The following SHANK2 variants were observed in gnomAD, a reference collection of about 807,000 sequenced individuals.
SHANK2 encodes the protein SH3 and multiple ankyrin repeat domains 2, also known as SH3 and multiple ankyrin repeat domains protein 2.
A neutral mutation model predicts 133.7 loss-of-function variants in SHANK2; 43 were observed. The observed-to-expected ratio is 0.32, with a 90% CI of 0.25 to 0.41. SHANK2 has a LOEUF of 0.41. Ranked by LOEUF, SHANK2 falls within the 10% of genes least tolerant of loss-of-function variation. The pLI is 1.00. For missense variants in SHANK2, 1,994 were observed against 2,235.8 expected, an observed-to-expected ratio of 0.89 and a Z score of 2.18; for synonymous variants, 1,017 against 952.8, an observed-to-expected ratio of 1.07 and a Z score of -1.24.
chr11:70,631,616 G>T (rs531697778), intron 17 of SHANK2, among the ~76,000 whole-genome samples: 26 of 152,248 alleles, frequency 1.7e-4, no homozygotes, highest in Non-Finnish European at 3.1e-4. Context: ...AGGGCGCTGG[G>T]AATAGGACAG....
chr11:70,730,103 G>C (rs1219857089), intron 14 of SHANK2, among the ~76,000 whole-genome samples: 3 of 152,196 alleles, frequency 2.0e-5, no homozygotes, highest in Admixed American at 6.5e-5. Context: ...AAGGGCCTTG[G>C]AGAGGAGGAA....
chr11:71,161,688 C>A (rs1359030096), intron 2 of SHANK2, among the ~76,000 whole-genome samples: 1 of 152,192 alleles, frequency 6.6e-6, no homozygotes, highest in Non-Finnish European at 1.5e-5. Flanking sequence ...TGTTGTCCCA[C>A]CTTTTTGGAC....
intron 13 of SHANK2, among the ~76,000 whole-genome samples, chr11:70,800,042 G>GT (rs1423651395): frequency 4.6e-5 from 7 of 150,658 alleles, no homozygotes; most frequent in African/African-American, 1.5e-4. Flanking sequence ...TTTGTTTTTT[G>GT]TTTTTTTTAG....
intron 14 of SHANK2, among the ~76,000 whole-genome samples, chr11:70,716,905 C>T (rs1447055812): frequency 5.4e-5 from 8 of 149,132 alleles, no homozygotes; most frequent in African/African-American, 1.5e-4. Flanking sequence ...GCCCCCCCCC[C>T]GCCCAACTGG....
intron 3 of SHANK2, among the ~76,000 whole-genome samples, chr11:71,143,940 T>C (rs1555106246): frequency 6.6e-6 from 1 of 151,196 alleles, no homozygotes; most frequent in African/African-American, 2.4e-5. Context: ...CGACCATCCA[T>C]TCACCGAGAA....
chr11:70,556,070 T>G (rs2059825031), intron 17 of SHANK2, among the ~76,000 whole-genome samples: 1 of 152,260 alleles, frequency 6.6e-6, no homozygotes, highest in Non-Finnish European at 1.5e-5. Flanking sequence ...AAGATCTAGC[T>G]GAGATCACTG....
chr11:71,207,178 CTTT>C (rs56946028), intron 2 of SHANK2, among the ~76,000 whole-genome samples: 4 of 115,860 alleles, frequency 3.5e-5, no homozygotes, highest in Non-Finnish European at 3.4e-5. Context: ...TTTAAAATTC[CTTT>C]TTTTTTTTTT....
chr11:70,912,951 G>T (rs1046941811), intron 10 of SHANK2, among the ~76,000 whole-genome samples: 1 of 151,898 alleles, frequency 6.6e-6, no homozygotes, highest in African/African-American at 2.4e-5. Context: ...AAGATCTCCC[G>T]GGAAAACTGT....
intron 15 of SHANK2, among the ~76,000 whole-genome samples, chr11:70,662,468 C>A (rs1944581991): frequency 6.6e-6 from 1 of 152,094 alleles, no homozygotes; most frequent in Non-Finnish European, 1.5e-5. Flanking sequence ...CCTCCAGCGT[C>A]CCCCCGGTCC....
chr11:71,210,214 A>ATATATGTG (rs1954229537), intron 2 of SHANK2, among the ~76,000 whole-genome samples: 1 of 29,868 alleles, frequency 3.3e-5, no homozygotes, highest in South Asian at 1.4e-3. Context: ...CCACAGGTAT[A>ATATATGTG]TATATATATA....
chr11:70,884,262 C>G (rs554368527), intron 11 of SHANK2, among the ~76,000 whole-genome samples: 9 of 152,206 alleles, frequency 5.9e-5, no homozygotes, highest in African/African-American at 2.2e-4. Context: ...AGGGGCCAGA[C>G]AGGCTAAAGT....
rs528106159 is a variant in SHANK2 at position 70,553,753 on chromosome 11, G to C, written c.2062-50822C>G. On this transcript the variant is annotated intron_variant, in intron 17 of 25. Coordinates refer to ENST00000601538, the MANE Select transcript of SHANK2 (RefSeq NM_012309.5). Reference sequence around the variant, plus strand: ...GAGGTTTGCTTCTGCCCTGCCACTTGAGCTTCCAGTGATGATCTGCGTGAC... The same window carrying C: ...GAGGTTTGCTTCTGCCCTGCCACTTCAGCTTCCAGTGATGATCTGCGTGAC... Among the ~76,000 whole-genome samples, 5 of 152,364 alleles carry C rather than the reference G, an allele frequency of 3.3e-5. No homozygotes were observed. The South Asian group carries it at 8.3e-4, about 25-fold the overall frequency.
intron 3 of SHANK2, among the ~76,000 whole-genome samples, chr11:71,132,795 C>G (rs1344220499): frequency 6.6e-6 from 1 of 152,130 alleles, no homozygotes; most frequent in Non-Finnish European, 1.5e-5. Flanking sequence ...ATTGGAAGGC[C>G]CCACAGCCTT....
At chr11:70,565,170 T>C (rs1591586752) in intron 17 of SHANK2, among the ~76,000 whole-genome samples, 1 of 152,126 alleles carries the variant, frequency 6.6e-6, no homozygotes, top group Non-Finnish European at 1.5e-5. Context: ...TGTATCCTGG[T>C]CTTGAGCTTT....
rs782139196 is a variant in SHANK2 at position 70,490,298 on chromosome 11, C to A, written c.2529G>T (p.Thr843=). The change falls in exon 23 of 26, where the codon ACG becomes ACT. Residue 843 remains threonine (T), a synonymous_variant. Transcript: ENST00000601538. The part of the protein sequence containing the change: ...KAPFLGIPRG[T]MRRQKSIDSR... ...TACCTATTGATTTCTGCCTTCGCATCGTACCTCGAGGGATGCCCAGAAACG... is the reference window on the plus strand; with the variant it reads ...TACCTATTGATTTCTGCCTTCGCATAGTACCTCGAGGGATGCCCAGAAACG... 8.5e-5 allele frequency: 137 copies of A among 1,614,070 alleles called. No individual in the cohort carries two copies. The highest frequency in any genetic ancestry group is 2.3e-4 in the South Asian group (21 of 91,092).
At chr11:71,070,682 GTAAA>G (rs1336830873) in intron 9 of SHANK2, among the ~76,000 whole-genome samples, 6 of 152,380 alleles carry the variant, frequency 3.9e-5, no homozygotes, top group African/African-American at 1.2e-4. Flanking sequence ...TCCCTGTTTT[GTAAA>G]TAAAGTTTTA....
chr11:70,933,006 C>A (rs1191973158), intron 10 of SHANK2, among the ~76,000 whole-genome samples: 4 of 152,186 alleles, frequency 2.6e-5, no homozygotes, highest in African/African-American at 4.8e-5. Context: ...AGTAATTTCA[C>A]TTCTGGGTCT....
Position 71,143,975 on chromosome 11 carries a change from T to TA in SHANK2, c.207+3144dup, listed in dbSNP as rs34336930. ...AAGCACTGCTCTTAGGAACTCTTGC[T>TA]AAAAAAAACCCACTGAACAGTGAAT... On this transcript the variant is annotated intron_variant, in intron 3 of 25. Transcript: ENST00000601538. 1.3e-4 allele frequency among the ~76,000 whole-genome samples: 20 copies of TA among 149,210 alleles called. No individual in the cohort carries two copies. In the East Asian group the frequency reaches 1.6e-3, roughly 12 times the overall value.
In SHANK2 at chr11:71,143,134, T is replaced by C. The variant is rs190651996; in HGVS notation, c.207+3986A>G. On this transcript the variant is annotated intron_variant, in intron 3 of 25. Transcript: ENST00000601538. ...CCTGAAATCCCAGCAACTTGGGAGG[T>C]TGTGGTAGAAGAATCACTTGAACCT... Among the ~76,000 whole-genome samples, 1,027 of 151,920 alleles carry C rather than the reference T, an allele frequency of 6.8e-3. 7 individuals are homozygous for C. Among genetic ancestry groups the C allele is most frequent in the Admixed American group, 9.4e-3 (144 of 15,242 alleles).
Sources: gnomAD v4.1 joint callset for allele counts (sites outside exome capture counted in the v4.1 genomes callset) on GRCh38, gnomAD v4.1.1 for gene constraint, MANE v1.5 for transcripts, NCBI Gene and HGNC (gene_info 2026-07-23, HGNC 2026-07-21) for gene names.